LINC00305: variants seen among roughly 807,000 people sequenced by gnomAD.
LINC00305 encodes long intergenic non-protein coding RNA 305.
intron 1 of LINC00305, among the ~76,000 whole-genome samples, chr18:64,124,575 G>C (rs9963373): frequency 0.25 from 37,610 of 151,936 alleles, 4,866 homozygotes; most frequent in Non-Finnish European, 0.28. Context: ...ATGTCCCAAT[G>C]GCTCTTCCTA....
chr18:64,094,636 G>T (rs1254634741), intron 3 of LINC00305, among the ~76,000 whole-genome samples: 1 of 152,102 alleles, frequency 6.6e-6, no homozygotes, highest in Non-Finnish European at 1.5e-5. Context: ...GCTGAGGGGG[G>T]CAGATCACCT....
At chr18:64,103,147 T>C (rs2051274463) in intron 1 of LINC00305, among the ~76,000 whole-genome samples, 7 of 152,214 alleles carry the variant, frequency 4.6e-5, no homozygotes, top group Admixed American at 2.6e-4. Context: ...TCAGAAGATA[T>C]AAAACACAAA....
At chr18:64,117,793 A>C (rs573943745) in intron 1 of LINC00305, among the ~76,000 whole-genome samples, 2 of 152,268 alleles carry the variant, frequency 1.3e-5, no homozygotes, top group South Asian at 4.1e-4. Context: ...GTTTCCACAC[A>C]TTTGTTTTCT....
intron 1 of LINC00305, among the ~76,000 whole-genome samples, chr18:64,110,462 G>A (rs2051310351): frequency 6.6e-6 from 1 of 152,138 alleles, no homozygotes; most frequent in African/African-American, 2.4e-5. Flanking sequence ...TAGCTTACTG[G>A]GTTCTACTAG....
At chr18:64,095,061 TC>T (rs2051240126) in intron 3 of LINC00305, among the ~76,000 whole-genome samples, 2 of 152,126 alleles carry the variant, frequency 1.3e-5, no homozygotes, top group South Asian at 2.1e-4. Flanking sequence ...TTATGATTCT[TC>T]CCCATTTCTT....
chr18:64,098,316 G>A (rs2051254475), intron 2 of LINC00305, among the ~76,000 whole-genome samples: 1 of 152,174 alleles, frequency 6.6e-6, no homozygotes, highest in South Asian at 2.1e-4. Context: ...TAAAAATCAT[G>A]GCAGTTAGAA....
rs113376807 is a variant in LINC00305, at chr18:64,144,516, AT to A, written n.314+4258del. ...CAGAACTGTACATTATTAATGATTA[AT>A]TTTTTTTTGAGACGGAATTTTGCTT... is the stretch of plus-strand genomic sequence containing the variant. On this transcript the variant is annotated intron_variant and non_coding_transcript_variant, in intron 1 of 3. Transcript: ENST00000666468. Among the ~76,000 whole-genome samples the A allele has an allele frequency of 4.4e-3, 670 of 151,500 alleles. 4 individuals are homozygous for A. Among genetic ancestry groups the A allele is most frequent in the African/African-American group, 0.015 (602 of 41,316 alleles).
chr18:64,090,314 A>G (rs375761384), intron 3 of LINC00305, among the ~76,000 whole-genome samples: 3 of 152,224 alleles, frequency 2.0e-5, no homozygotes, highest in African/African-American at 4.8e-5. Flanking sequence ...GAAAGTTGTG[A>G]TATAATCTCT....
intron 3 of LINC00305, among the ~76,000 whole-genome samples, chr18:64,081,224 C>A (rs1193734427): frequency 2.0e-5 from 3 of 152,208 alleles, no homozygotes; most frequent in Non-Finnish European, 2.9e-5. Flanking sequence ...ATGTACTCTG[C>A]AAATAGAGTA....
chr18:64,143,268 T>A (rs1320102356), intron 1 of LINC00305, among the ~76,000 whole-genome samples: 1 of 152,108 alleles, frequency 6.6e-6, no homozygotes, highest in Non-Finnish European at 1.5e-5. Flanking sequence ...TCTGGATGGA[T>A]TGTAAGAGGT....
chr18:64,117,512 A>C (rs1357024854), intron 1 of LINC00305, among the ~76,000 whole-genome samples: 2 of 152,184 alleles, frequency 1.3e-5, no homozygotes, highest in Non-Finnish European at 1.5e-5. Context: ...CTTACCTGTA[A>C]AATTGACAGA....
intron 1 of LINC00305, among the ~76,000 whole-genome samples, chr18:64,134,220 C>G (rs1200011753): frequency 1.3e-5 from 2 of 152,022 alleles, no homozygotes; most frequent in East Asian, 3.9e-4. Flanking sequence ...ATATGGAAAC[C>G]CTGGCAAACA....
rs2051476838 is a variant in LINC00305 at position 64,143,571 on chromosome 18, CATAT to C, written n.314+5200_314+5203del. On this transcript the variant is annotated intron_variant and non_coding_transcript_variant, in intron 1 of 3. Coordinates refer to ENST00000666468, the Ensembl canonical transcript of LINC00305. Reference sequence around the variant, plus strand: ...CACATATTATGTGTACATATATACACATATGTATATGTACATATGTACACATATG... The same window carrying C: ...CACATATTATGTGTACATATATACACGTATATGTACATATGTACACATATG... Among the ~76,000 whole-genome samples, 11 of 2,348 alleles carry C rather than the reference CATAT, an allele frequency of 4.7e-3. 1 individual carries two copies. The highest frequency in any genetic ancestry group is 0.021 in the East Asian group (2 of 96). 1.5% of individuals were successfully genotyped at this position (2,348 alleles called of 152,430 possible).
At position 64,106,343 on chromosome 18, in the gene LINC00305, C is replaced by T. The variant is rs370628590; in HGVS notation, n.315-7703G>A. ...CATAGGTTGGCTGAGATTGTGCCTACGCTCTGGCTTTCCTGGCAATGACGT... is the reference window on the plus strand; with the variant it reads ...CATAGGTTGGCTGAGATTGTGCCTATGCTCTGGCTTTCCTGGCAATGACGT... On this transcript the variant is annotated intron_variant and non_coding_transcript_variant, in intron 1 of 3. Coordinates refer to ENST00000666468, the Ensembl canonical transcript of LINC00305. 6.6e-5 allele frequency among the ~76,000 whole-genome samples: 10 copies of T among 152,270 alleles called. 1 individual carries two copies. Among genetic ancestry groups the T allele is most frequent in the South Asian group, 2.1e-4 (1 of 4,816 alleles).
intron 3 of LINC00305, among the ~76,000 whole-genome samples, chr18:64,087,465 A>T (rs1464714278): frequency 2.0e-5 from 3 of 152,210 alleles, no homozygotes; most frequent in Admixed American, 2.0e-4. Context: ...ATTCCATTTG[A>T]TAATTAATAT....
intron 1 of LINC00305, among the ~76,000 whole-genome samples, chr18:64,143,426 C>A (rs1449540160): frequency 6.9e-6 from 1 of 145,942 alleles, no homozygotes; most frequent in Non-Finnish European, 1.5e-5. Context: ...TATGTGTATA[C>A]CAACAATATA....
intron 1 of LINC00305, among the ~76,000 whole-genome samples, chr18:64,144,183 T>C (rs2051485789): frequency 6.6e-6 from 1 of 152,182 alleles, no homozygotes; most frequent in Non-Finnish European, 1.5e-5. Flanking sequence ...AAGAGATTCT[T>C]GCAAAGGAAG....
intron 1 of LINC00305, chr18:64,098,742 T>G (rs2144238087): frequency 2.9e-6 from 1 of 342,130 alleles, no homozygotes; most frequent in South Asian, 2.5e-5. Flanking sequence ...CATTCTTCTG[T>G]GTGAATCAGT....
chr18:64,089,585 G>A (rs935592800), intron 3 of LINC00305, among the ~76,000 whole-genome samples: 8 of 152,170 alleles, frequency 5.3e-5, no homozygotes, highest in East Asian at 1.9e-4. Context: ...ATTAAGGAGT[G>A]GGGAAAAGGC....
Sources: allele counts gnomAD v4.1 joint callset (sites outside exome capture counted in the v4.1 genomes callset), GRCh38; gene constraint gnomAD v4.1.1; transcripts MANE v1.5; gene names NCBI Gene and HGNC (gene_info 2026-07-23, HGNC 2026-07-21).